EDA: variants seen among roughly 807,000 people sequenced by gnomAD.
EDA encodes the protein ectodysplasin-A.
A neutral mutation model predicts 23.6 loss-of-function variants in EDA; 2 were observed. The observed-to-expected ratio is 0.08, with a 90% confidence interval of 0.03 to 0.27. The LOEUF is 0.27. EDA is among the 10% of genes least tolerant of loss of function. EDA has a pLI of 1.00. For missense variants in EDA, 229 were observed against 324.2 expected (o/e 0.71, Z 2.26); for synonymous variants, 131 against 132.0 (o/e 0.99, Z 0.05).
At chrX:69,832,303 C>G (rs1251884285) in intron 1 of EDA, among the ~76,000 whole-genome samples, 1 of 111,474 alleles carries the variant, frequency 9.0e-6, no homozygotes, top group Non-Finnish European at 1.9e-5. Flanking sequence ...GAATCCTTTC[C>G]CCATTTCTTG....
At chrX:69,755,610 A>T (rs2014084541) in intron 1 of EDA, among the ~76,000 whole-genome samples, 1 of 112,406 alleles carries the variant, frequency 8.9e-6, no homozygotes, top group African/African-American at 3.2e-5. Flanking sequence ...GAGACATTTA[A>T]GTCTGCAGAA....
intron 1 of EDA, among the ~76,000 whole-genome samples, chrX:69,883,886 C>T (rs763918756): frequency 2.2e-4 from 24 of 109,552 alleles, no homozygotes; most frequent in African/African-American, 3.0e-4. Flanking sequence ...CACTTGAGCC[C>T]GGGAGTTTGA....
At chrX:69,918,552 T>C (rs927049553) in intron 1 of EDA, among the ~76,000 whole-genome samples, 2 of 112,265 alleles carry the variant, frequency 1.8e-5, no homozygotes, top group Admixed American at 9.5e-5. Context: ...GAAGTGACAG[T>C]TCTCTAAGAA....
At chrX:69,956,339 CTTCTTT>C (rs1315807952) in intron 1 of EDA, among the ~76,000 whole-genome samples, 2 of 59,939 alleles carry the variant, frequency 3.3e-5, no homozygotes, top group Non-Finnish European at 7.2e-5. Flanking sequence ...CTCTTTCTTT[CTTCTTT>C]TTTTTTTTTT....
At chrX:69,629,527 G>A (rs1362736491) in intron 1 of EDA, among the ~76,000 whole-genome samples, 3 of 111,958 alleles carry the variant, frequency 2.7e-5, no homozygotes, top group African/African-American at 9.7e-5. Flanking sequence ...TTAAGGTATT[G>A]AAACATTCCC....
At chrX:69,954,518 G>A (rs1296316362) in intron 1 of EDA, among the ~76,000 whole-genome samples, 1 of 111,926 alleles carries the variant, frequency 8.9e-6, no homozygotes, top group Non-Finnish European at 1.9e-5. Context: ...GTCATTTAAT[G>A]TACAGGCAAA....
chrX:69,884,524 C>G (rs2017799632), intron 1 of EDA, among the ~76,000 whole-genome samples: 1 of 112,243 alleles, frequency 8.9e-6, no homozygotes, highest in African/African-American at 3.2e-5. Flanking sequence ...ATGTTTCTAT[C>G]TTTACAGATT....
chrX:69,909,882 C>G (rs1052765220), intron 1 of EDA, among the ~76,000 whole-genome samples: 7 of 111,673 alleles, frequency 6.3e-5, no homozygotes, highest in Admixed American at 2.9e-4. Context: ...GGATTTATCT[C>G]TTGTCTATAA....
intron 2 of EDA, among the ~76,000 whole-genome samples, chrX:69,966,084 A>G (rs2019168805): frequency 8.9e-6 from 1 of 112,073 alleles, no homozygotes; most frequent in Non-Finnish European, 1.9e-5. Flanking sequence ...ATGATATGCC[A>G]TTTTCTACTC....
At chrX:69,679,545 T>C (rs967677335) in intron 1 of EDA, among the ~76,000 whole-genome samples, 3 of 111,341 alleles carry the variant, frequency 2.7e-5, no homozygotes, top group African/African-American at 9.9e-5. Context: ...TTGTTTAGTC[T>C]TGGGAGGGTG....
chrX:69,910,376 T>A (rs1447642420), intron 1 of EDA, among the ~76,000 whole-genome samples: 788 of 23,427 alleles, frequency 0.034, 6 homozygotes, highest in East Asian at 0.23. Context: ...AGAGAGAGAG[T>A]GTGTGTGTGT....
chrX:69,863,524 T>C (rs1466607938), intron 1 of EDA, among the ~76,000 whole-genome samples: 1 of 25,394 alleles, frequency 3.9e-5, no homozygotes, highest in Non-Finnish European at 1.3e-4. Flanking sequence ...TGTATATATA[T>C]GTGTGTGTAT....
At chrX:69,660,562 A>G (rs760772566) in intron 1 of EDA, among the ~76,000 whole-genome samples, 40 of 108,557 alleles carry the variant, frequency 3.7e-4, no homozygotes, top group African/African-American at 1.1e-3. Context: ...TCATTGTTCA[A>G]TTCCCACCTA....
chrX:69,930,660 G>C, intron 1 of EDA, among the ~76,000 whole-genome samples: 1 of 110,995 alleles, frequency 9.0e-6, no homozygotes, highest in Non-Finnish European at 1.9e-5. Flanking sequence ...TCAACATTGT[G>C]CTGGAGGTTC....
intron 1 of EDA, among the ~76,000 whole-genome samples, chrX:69,931,710 G>T (rs2018601729): frequency 8.9e-6 from 1 of 111,754 alleles, no homozygotes; most frequent in South Asian, 3.8e-4. Flanking sequence ...ATGAGGATAT[G>T]AGAACCTGAA....
intron 2 of EDA, among the ~76,000 whole-genome samples, chrX:70,000,369 T>G (rs762692659): frequency 8.9e-6 from 1 of 112,369 alleles, no homozygotes; most frequent in South Asian, 3.7e-4. Context: ...ATCACCGAGG[T>G]GGCCAGGTCT....
intron 1 of EDA, among the ~76,000 whole-genome samples, chrX:69,681,590 A>G (rs1934352996): frequency 9.0e-6 from 1 of 110,902 alleles, no homozygotes; most frequent in African/African-American, 3.3e-5. Flanking sequence ...CATCATTGAT[A>G]CCCTTTCTTC....
chrX:70,033,559 A>C (rs771709778), intron 7 of EDA, 31 bp downstream of exon 7: 1 of 1,204,828 alleles, frequency 8.3e-7, no homozygotes, highest in African/African-American at 1.8e-5. Context: ...AACTCTTCTT[A>C]TATCCAGAAT....
At chrX:69,671,143 G>A (rs903295216) in intron 1 of EDA, among the ~76,000 whole-genome samples, 2 of 111,655 alleles carry the variant, frequency 1.8e-5, no homozygotes, top group African/African-American at 3.3e-5. Context: ...CTCATTCCAT[G>A]TGGGCACAAT....
Sources: gnomAD v4.1 joint callset for allele counts (sites outside exome capture counted in the v4.1 genomes callset) on GRCh38, gnomAD v4.1.1 for gene constraint, MANE v1.5 for transcripts, NCBI Gene and HGNC (gene_info 2026-07-23, HGNC 2026-07-21) for gene names.